FMO5: variants seen among roughly 807,000 people sequenced by gnomAD.
FMO5 encodes flavin containing dimethylaniline monoxygenase 5, also known as flavin-containing monooxygenase 5.
FMO5 carries 51 observed loss-of-function variants against 43.6 expected under a neutral mutation model. The ratio of observed to expected loss-of-function variants is 1.17; its 90% CI spans 0.93 to 1.48. The LOEUF is 1.48. FMO5 is among the 40% of genes most tolerant of loss of function. The probability of loss-of-function intolerance (pLI) is 0.00; values close to 1 mark genes in which losing one functional copy is unlikely to be tolerated. For missense variants in FMO5, 644 were observed against 643.0 expected (o/e 1.00, Z -0.02); for synonymous variants, 187 against 216.5 (o/e 0.86, Z 1.20).
intron 6 of FMO5, among the ~76,000 whole-genome samples, chr1:147,206,521 C>T (rs1324609495): frequency 2.0e-5 from 3 of 152,082 alleles, no homozygotes; most frequent in Non-Finnish European, 2.9e-5. Context: ...CCCAAATGTC[C>T]AACAATGATA....
At chr1:147,198,055 T>C (rs1163154392) in intron 7 of FMO5, among the ~76,000 whole-genome samples, 3 of 152,166 alleles carry the variant, frequency 2.0e-5, no homozygotes, top group African/African-American at 4.8e-5. Flanking sequence ...TGTGTAATCC[T>C]GACTTGCTCC....
At position 147,212,378 on chromosome 1, in the gene FMO5, T is replaced by C. The variant is rs180753294; in HGVS notation, c.630+15A>G. On this transcript the variant is annotated intron_variant, in intron 5 of 8. Coordinates refer to ENST00000254090, the MANE Select transcript of FMO5 (RefSeq NM_001461.4). ...TAGAGTTAAGCAACGTAAATAATAA[T>C]TGAGTGATTCAAACCTGCTTGGCTG... 184 of 1,613,558 alleles carry C rather than the reference T, an allele frequency of 1.1e-4. No homozygotes were observed. In the Admixed American group the frequency reaches 3.0e-3, roughly 26 times the overall value.
intron 7 of FMO5, among the ~76,000 whole-genome samples, chr1:147,193,045 C>T (rs1441818139): frequency 2.3e-4 from 35 of 152,118 alleles, no homozygotes. Flanking sequence ...GGGAAGATTC[C>T]TTCTTTTTCT....
intron 7 of FMO5, among the ~76,000 whole-genome samples, chr1:147,194,623 C>G (rs1440326741): frequency 6.6e-6 from 1 of 152,090 alleles, no homozygotes. Flanking sequence ...TACATTTTGG[C>G]ATGTTTTTGC....
At chr1:147,226,483 A>T (rs28381160), upstream of FMO5, among the ~76,000 whole-genome samples, 1,458 of 152,318 alleles carry the variant, frequency 9.6e-3, 22 homozygotes, top group African/African-American at 0.033. Context: ...GTAACCAAAA[A>T]TACAAAATAT....
chr1:147,191,902 T>C (rs1441233260), intron 7 of FMO5, among the ~76,000 whole-genome samples: 1 of 152,154 alleles, frequency 6.6e-6, no homozygotes, highest in Non-Finnish European at 1.5e-5. Flanking sequence ...CATGCTGTTT[T>C]GGTTACTGTA....
chr1:147,223,231 G>A (rs587671745), intron 2 of FMO5, among the ~76,000 whole-genome samples: 2 of 152,274 alleles, frequency 1.3e-5, no homozygotes, highest in South Asian at 2.1e-4. Context: ...ATTTTCTGCT[G>A]TTTACTAAAA....
At chr1:147,223,623 A>C (rs10900326) in intron 2 of FMO5, 92,847 of 157,202 alleles carry the variant, frequency 0.59, 29,560 homozygotes, top group East Asian at 0.87. Context: ...AAGCAGGAAG[A>C]CAAAAAAGTT....
In FMO5 at chr1:147,204,688, G is replaced by A. The variant is rs587761373; in HGVS notation, c.831-3184C>T. 4 of 1,562,268 alleles carry A rather than the reference G, an allele frequency of 2.6e-6. No homozygotes were observed. The South Asian group carries it at 3.3e-5, about 13-fold the overall frequency. Reference sequence around the variant, plus strand: ...AGAAGCCATTACAGTCATTTTTGCAGCAGGATGCTGTACTTCTAGTTCTCT... The same window carrying A: ...AGAAGCCATTACAGTCATTTTTGCAACAGGATGCTGTACTTCTAGTTCTCT... On this transcript the variant is annotated intron_variant, in intron 6 of 8. Transcript: ENST00000254090.
At chr1:147,193,992 G>T (rs1377797545) in intron 7 of FMO5, among the ~76,000 whole-genome samples, 2 of 152,086 alleles carry the variant, frequency 1.3e-5, no homozygotes, top group African/African-American at 2.4e-5. Context: ...CGTTGATTTG[G>T]GGTGGAGAGT....
chr1:147,203,631 G>A, intron 6 of FMO5: 1 of 1,276,938 alleles, frequency 7.8e-7, no homozygotes, highest in Admixed American at 1.7e-5. Flanking sequence ...ATAGCGTACT[G>A]TTCAAGTCCA....
At chr1:147,208,236 G>A (rs917800952) in intron 6 of FMO5, among the ~76,000 whole-genome samples, 5 of 152,064 alleles carry the variant, frequency 3.3e-5, no homozygotes, top group Non-Finnish European at 5.9e-5. Context: ...TACTCAATGA[G>A]TAAATGACGC....
Position 147,190,544 on chromosome 1 carries a change from G to A in FMO5, c.1184-295C>T, listed in dbSNP as rs181315358. Among the ~76,000 whole-genome samples the A allele has an allele frequency of 1.4e-3, 207 of 152,234 alleles. 1 individual carries two copies. Among genetic ancestry groups the A allele is most frequent in the African/African-American group, 4.7e-3 (194 of 41,512 alleles). On this transcript the variant is annotated intron_variant, in intron 7 of 8. Coordinates refer to ENST00000254090, the MANE Select transcript of FMO5 (RefSeq NM_001461.4). The stretch of plus-strand genomic sequence containing the variant: ...CAGTTGGGAAATGAAATATGGACAT[G>A]AGAAAATGGACTTAAAGGTATATGG...
chr1:147,203,449 T>G, intron 6 of FMO5: 1 of 834,686 alleles, frequency 1.2e-6, no homozygotes, highest in South Asian at 1.3e-5. Flanking sequence ...TTCCAACATG[T>G]CCGTTACAGC....
At chr1:147,199,687 G>C (rs587630356) in intron 7 of FMO5, among the ~76,000 whole-genome samples, 1 of 152,256 alleles carries the variant, frequency 6.6e-6, no homozygotes, top group South Asian at 2.1e-4. Flanking sequence ...AATATGACTA[G>C]AATTAGGCCA....
At chr1:147,204,794 A>ATGC (rs1177861523) in intron 6 of FMO5, 1 of 1,591,730 alleles carries the variant, frequency 6.3e-7, no homozygotes, top group Non-Finnish European at 8.6e-7. Context: ...TTTCGTCCAT[A>ATGC]TGCTGTACGA....
rs587767140 is a variant in FMO5, at chr1:147,201,443, C to A, written c.892G>T (p.Val298Leu). 13 of 1,614,126 alleles carry A rather than the reference C, an allele frequency of 8.1e-6. No individual in the cohort carries two copies. The South Asian group carries it at 1.4e-4, about 18-fold the overall frequency. ...DLPNRIISGLVKVKGNVKEFT... is the reference protein window; with the variant it reads ...DLPNRIISGLLKVKGNVKEFT... ...TCCTTCACATTTCCTTTCACTTTCA[C>A]CAAGCCAGAAATGATACGATTTGGC... The change falls in exon 7 of 9, where the codon GTG becomes TTG. Residue 298 changes from valine (V) to leucine (L), a missense_variant. Coordinates refer to ENST00000254090, the MANE Select transcript of FMO5 (RefSeq NM_001461.4).
intron 5 of FMO5, chr1:147,211,056 G>C (rs1386209212): frequency 6.6e-6 from 1 of 152,152 alleles, no homozygotes; most frequent in East Asian, 1.9e-4. Flanking sequence ...CTCAGCAATT[G>C]AGTTTCTTCA....
intron 7 of FMO5, among the ~76,000 whole-genome samples, chr1:147,200,592 C>CTT (rs1177021653): frequency 8.8e-4 from 18 of 20,540 alleles, no homozygotes; most frequent in African/African-American, 2.6e-3. Context: ...AACCTATTCC[C>CTT]CTTTTTTTTT....
Sources: gnomAD v4.1 joint callset for allele counts (sites outside exome capture counted in the v4.1 genomes callset) on GRCh38, gnomAD v4.1.1 for gene constraint, MANE v1.5 for transcripts, NCBI Gene and HGNC (gene_info 2026-07-23, HGNC 2026-07-21) for gene names.